Variants in CCND3 observed in about 807,000 individuals in gnomAD.
CCND3 encodes cyclin D3.
Under a neutral mutation model 28.7 loss-of-function variants are expected in CCND3, and 9 were observed. That is an observed-to-expected ratio of 0.31 (90% CI 0.19 to 0.55). The LOEUF is 0.55. CCND3 is among the 20% of genes least tolerant of loss of function. CCND3 has a pLI of 0.93. For synonymous variants in CCND3, 164 were observed against 163.9 expected (o/e 1.00, Z 0.00); for missense variants, 315 against 385.8 (o/e 0.82, Z 1.54).
rs574595185 is a variant in CCND3, at chr6:42,023,700, G to A, written c.-46+24801C>T. On this transcript the variant is annotated intron_variant, in intron 1 of 4. Coordinates refer to the CCND3 transcript ENST00000372988. Reference sequence around the variant, plus strand: ...CCAGTCTGTATCTACTCATCCATCCGCCATCTATCATCTATTAAACACTAA... The same window carrying A: ...CCAGTCTGTATCTACTCATCCATCCACCATCTATCATCTATTAAACACTAA... Among the ~76,000 whole-genome samples the A allele has an allele frequency of 1.2e-4, 9 of 72,936 alleles. No homozygotes were observed. The South Asian group carries it at 2.4e-3, about 20-fold the overall frequency. The allele number at this position is 72,936 out of a possible 152,430, so 47.8% of individuals were successfully genotyped here. A position where few individuals can be genotyped will look rare whatever the true frequency, so the allele number is the denominator to read the frequency against.
At chr6:42,037,833 C>T (rs946868872) in intron 1 of CCND3, among the ~76,000 whole-genome samples, 1 of 151,742 alleles carries the variant, frequency 6.6e-6, no homozygotes, top group Non-Finnish European at 1.5e-5. Flanking sequence ...GAGTTCAAGA[C>T]TAGTCTGACC....
In CCND3 at chr6:41,937,286, G is replaced by A. The variant is rs1249422925; in HGVS notation, c.523C>T (p.Gln175Ter). 6.2e-7 allele frequency: 1 copy of A among 1,614,108 alleles called. No individual in the cohort carries two copies. Among genetic ancestry groups the A allele is most frequent in the Non-Finnish European group, 8.5e-7 (1 of 1,180,044 alleles). ...LHRLSLPRDR[Q>*]ALVKKHAQTF... is the part of the protein sequence containing the mutation. ...TGGGCATGCTTTTTGACCAAGGCCT[G>A]TCGGTCACGGGGCAGAGAGAGCCGG... The change falls in exon 3 of 5, where the codon CAG (glutamine) becomes TAG (stop). Residue 175 changes from glutamine (Q) to a stop codon, truncating the protein, a stop_gained. Coordinates refer to ENST00000372991, the MANE Select transcript of CCND3 (RefSeq NM_001760.5). LOFTEE classifies it high-confidence loss of function.
chr6:42,046,650 G>A (rs796830266), intron 1 of CCND3, among the ~76,000 whole-genome samples: 3 of 152,036 alleles, frequency 2.0e-5, no homozygotes, highest in African/African-American at 7.3e-5. Context: ...GCACACACGC[G>A]CGCGCACACA....
At chr6:42,043,388 G>A (rs1354628621) in intron 1 of CCND3, among the ~76,000 whole-genome samples, 1 of 152,218 alleles carries the variant, frequency 6.6e-6, no homozygotes, top group African/African-American at 2.4e-5. Context: ...AAAGTTGGCA[G>A]GGTGTGGTGG....
intron 1 of CCND3, among the ~76,000 whole-genome samples, chr6:42,004,117 A>G (rs901623354): frequency 6.8e-6 from 1 of 146,302 alleles, no homozygotes; most frequent in African/African-American, 2.5e-5. Context: ...TTTTCCTGAG[A>G]CAGAGTCTCA....
At chr6:42,026,707 G>A (rs1242541095) in intron 1 of CCND3, among the ~76,000 whole-genome samples, 1 of 152,162 alleles carries the variant, frequency 6.6e-6, no homozygotes, top group African/African-American at 2.4e-5. Context: ...TCAGCTAAGT[G>A]TGGCATGTGA....
intron 1 of CCND3, among the ~76,000 whole-genome samples, chr6:42,029,148 A>T (rs939471537): frequency 4.3e-5 from 6 of 138,210 alleles, no homozygotes; most frequent in African/African-American, 1.7e-4. Flanking sequence ...TTTATTTTTT[A>T]ATTTTTTTTT....
chr6:41,980,924 T>A (rs1389628578), intron 1 of CCND3, among the ~76,000 whole-genome samples: 1 of 152,104 alleles, frequency 6.6e-6, no homozygotes, highest in Non-Finnish European at 1.5e-5. Flanking sequence ...ACTAACATCA[T>A]ACTCAATGGT....
At chr6:41,978,974 C>G (rs1258095929) in intron 1 of CCND3, among the ~76,000 whole-genome samples, 2 of 151,442 alleles carry the variant, frequency 1.3e-5, no homozygotes, top group East Asian at 3.9e-4. Context: ...GAGTTCAAGA[C>G]CAATTTGACC....
chr6:42,029,533 A>G (rs1176221576), intron 1 of CCND3, among the ~76,000 whole-genome samples: 1 of 150,374 alleles, frequency 6.7e-6, no homozygotes, highest in African/African-American at 2.5e-5. Context: ...GGGCAGTGAG[A>G]CCCCCACACA....
intron 1 of CCND3, among the ~76,000 whole-genome samples, chr6:42,013,234 C>T (rs1237073199): frequency 6.6e-6 from 1 of 152,114 alleles, no homozygotes; most frequent in Non-Finnish European, 1.5e-5. Context: ...TTCATACAGC[C>T]TAAGGTAGAG....
intron 2 of CCND3, among the ~76,000 whole-genome samples, chr6:41,940,063 A>G (rs1274436538): frequency 6.6e-6 from 1 of 152,158 alleles, no homozygotes; most frequent in Non-Finnish European, 1.5e-5. Flanking sequence ...GAGGCAAAGT[A>G]CTAGTGAGTG....
intron 1 of CCND3, among the ~76,000 whole-genome samples, chr6:42,007,197 T>C (rs981233016): frequency 6.6e-6 from 1 of 152,258 alleles, no homozygotes; most frequent in African/African-American, 2.4e-5. Flanking sequence ...ATGTTTTTAC[T>C]TTCTATATTG....
intron 1 of CCND3, among the ~76,000 whole-genome samples, chr6:42,023,531 T>A (rs1298384789): frequency 6.6e-6 from 1 of 152,194 alleles, no homozygotes; most frequent in Non-Finnish European, 1.5e-5. Context: ...ACCCTGTATT[T>A]CCCCTAGGAG....
At chr6:41,979,559 A>G (rs1422596726) in intron 1 of CCND3, among the ~76,000 whole-genome samples, 1 of 149,254 alleles carries the variant, frequency 6.7e-6, no homozygotes, top group African/African-American at 2.5e-5. Context: ...AGAAAAATAT[A>G]TATATATGTT....
At chr6:41,988,517 T>A (rs1367868756) in intron 1 of CCND3, among the ~76,000 whole-genome samples, 2 of 151,974 alleles carry the variant, frequency 1.3e-5, no homozygotes, top group Non-Finnish European at 1.5e-5. Flanking sequence ...ATCATTTTCC[T>A]TTTTTTCTAA....
intron 1 of CCND3, among the ~76,000 whole-genome samples, chr6:41,987,517 C>CTCTGTGTG (rs1347442898): frequency 1.7e-5 from 1 of 60,260 alleles, no homozygotes; most frequent in African/African-American, 9.0e-5. Flanking sequence ...CTCTCTCTCT[C>CTCTGTGTG]TGTGTGTGTG....
At chr6:42,046,034 G>C (rs1764531988) in intron 1 of CCND3, among the ~76,000 whole-genome samples, 1 of 152,136 alleles carries the variant, frequency 6.6e-6, no homozygotes, top group African/African-American at 2.4e-5. Flanking sequence ...CGTTTTCTCA[G>C]TGCAGCCACC....
chr6:41,967,605 G>A (rs1333839034), intron 1 of CCND3, among the ~76,000 whole-genome samples: 2 of 152,106 alleles, frequency 1.3e-5, no homozygotes, highest in Non-Finnish European at 2.9e-5. Flanking sequence ...GGTAGAGCCC[G>A]GGAATCTGCA....
Sources: gnomAD v4.1 joint callset for allele counts (sites outside exome capture counted in the v4.1 genomes callset) on GRCh38, gnomAD v4.1.1 for gene constraint, MANE v1.5 for transcripts, NCBI Gene and HGNC (gene_info 2026-07-23, HGNC 2026-07-21) for gene names.